Variants in KCNN2 observed in about 807,000 individuals in gnomAD.
KCNN2 encodes potassium calcium-activated channel subfamily N member 2, also known as small conductance calcium-activated potassium channel protein 2.
In KCNN2, 24 loss-of-function variants were observed where a neutral mutation model predicts 55.5. The ratio of observed to expected loss-of-function variants is 0.43; its 90% CI spans 0.31 to 0.61. KCNN2 has a LOEUF of 0.61. Among genes scored for constraint, KCNN2 ranks in the 20% least tolerant of loss-of-function variants. The pLI is 0.08. For missense variants in KCNN2, 754 were observed against 853.6 expected (o/e 0.88, Z 1.45); for synonymous variants, 431 against 336.1 (o/e 1.28, Z -3.09).
upstream of KCNN2, among the ~76,000 whole-genome samples, chr5:114,358,844 C>T (rs1407283582): frequency 4.6e-5 from 7 of 152,170 alleles, no homozygotes; most frequent in African/African-American, 1.7e-4. Context: ...ATGTTATGCA[C>T]ATTTTAAATG....
chr5:114,173,799 C>A (rs1342804553), intron 1 of KCNN2, among the ~76,000 whole-genome samples: 1 of 151,278 alleles, frequency 6.6e-6, no homozygotes, highest in Non-Finnish European at 1.5e-5. Flanking sequence ...TTTTATTTTT[C>A]ATCAATCATC....
At chr5:114,126,669 A>G (rs998204819) in intron 1 of KCNN2, among the ~76,000 whole-genome samples, 1 of 152,050 alleles carries the variant, frequency 6.6e-6, no homozygotes, top group African/African-American at 2.4e-5. Context: ...ACATTTCAAA[A>G]CCAATTATGC....
rs1367762180 is a variant in KCNN2 at position 114,362,778 on chromosome 5, G to A, written c.639G>A (p.Met213Ile). 1.3e-6 allele frequency: 2 copies of A among 1,587,030 alleles called. No homozygotes were observed. Among genetic ancestry groups the A allele is most frequent in the Admixed American group, 1.7e-5 (1 of 58,610 alleles). ...RESNPFTEIA[M>I]SSCRYNGGVM... is the part of the protein sequence containing the mutation. ...GCAACCCCTTCACCGAAATAGCCAT[G>A]AGCAGCTGCAGGTACAACGGGGGCG... Residue 213 changes from methionine (M) to isoleucine (I), a missense_variant, in exon 1 of 8, where the codon ATG becomes ATA. Coordinates refer to ENST00000673685, the MANE Select transcript of KCNN2 (RefSeq NM_021614.4).
intron 1 of KCNN2, among the ~76,000 whole-genome samples, chr5:114,162,712 T>G (rs975645401): frequency 2.0e-5 from 3 of 152,022 alleles, no homozygotes; most frequent in African/African-American, 7.2e-5. Context: ...CAGGCACCCC[T>G]CCCCCAGCCT....
intron 3 of KCNN2, among the ~76,000 whole-genome samples, chr5:114,422,237 T>C (rs1343572749): frequency 6.6e-6 from 1 of 152,212 alleles, no homozygotes; most frequent in African/African-American, 2.4e-5. Context: ...AAAATTCATG[T>C]TGAAACCTAA....
intron 3 of KCNN2, among the ~76,000 whole-genome samples, chr5:114,440,768 TAGAA>T (rs1473718312): frequency 3.6e-4 from 55 of 152,104 alleles, no homozygotes; most frequent in Non-Finnish European, 1.9e-4. Context: ...GTAATAAAAA[TAGAA>T]TGTATAACAT....
Position 114,289,369 on chromosome 5 carries a change from C to CTT in KCNN2, c.-185+67821_-185+67822dup, listed in dbSNP as rs80026839. Reference sequence around the variant, plus strand: ...AGTTCCATATGAATTTTAGAATCAACTTTTTTTTTTTTTTTTTTGAGACAG... The same window carrying CTT: ...AGTTCCATATGAATTTTAGAATCAACTTTTTTTTTTTTTTTTTTTTGAGACAG... On this transcript the variant is annotated intron_variant, in intron 2 of 10. Transcript: ENST00000512097. Among the ~76,000 whole-genome samples the CTT allele has an allele frequency of 1.7e-3, 230 of 132,094 alleles. 4 individuals are homozygous for CTT. Among genetic ancestry groups the CTT allele is most frequent in the East Asian group, 9.3e-3 (42 of 4,530 alleles). 86.7% of individuals were successfully genotyped at this position (132,094 alleles called of 152,430 possible).
In KCNN2 at chr5:114,241,705, G is replaced by GATAT. The variant is rs10624495; in HGVS notation, c.-185+20152_-185+20155dup. ...TAAAATTTACGAGAATATATATGTG[G>GATAT]ATATATATATATATACGTATATATA... On this transcript the variant is annotated intron_variant, in intron 2 of 10. Transcript: ENST00000512097. Among the ~76,000 whole-genome samples, 76 of 48,762 alleles carry GATAT rather than the reference G, an allele frequency of 1.6e-3. 8 individuals are homozygous for GATAT. The highest frequency in any genetic ancestry group is 3.8e-3 in the East Asian group (8 of 2,108). 32.0% of individuals were successfully genotyped at this position (48,762 alleles called of 152,430 possible).
intron 1 of KCNN2, among the ~76,000 whole-genome samples, chr5:114,082,207 C>A (rs1750841422): frequency 6.6e-6 from 1 of 151,852 alleles, no homozygotes; most frequent in Admixed American, 6.6e-5. Flanking sequence ...TACCTGTAGT[C>A]CTAGCTACTC....
At chr5:114,289,277 C>T (rs1049005785) in intron 2 of KCNN2, among the ~76,000 whole-genome samples, 1 of 151,992 alleles carries the variant, frequency 6.6e-6, no homozygotes, top group African/African-American at 2.4e-5. Context: ...AAGTACAGGT[C>T]CTCCAATTTT....
intron 1 of KCNN2, among the ~76,000 whole-genome samples, chr5:114,173,438 T>TG (rs1753078207): frequency 3.2e-4 from 45 of 142,198 alleles, no homozygotes; most frequent in Admixed American, 7.1e-4. Flanking sequence ...TTTGTTTTGT[T>TG]TGTGTGTGTG....
In KCNN2 at chr5:114,362,872, C is replaced by G; in HGVS notation, c.733C>G (p.Pro245Ala). Residue 245 changes from proline to alanine, a missense_variant, in exon 1 of 8, where the codon CCC becomes GCC. Physicochemically the swap from Pro to Ala is conservative, Grantham distance 27 (BLOSUM62 -1). Transcript: ENST00000673685. ...NLHEMDSEAQ[P>A]LQPPASVGGG... ...GCACGAGATGGACTCAGAGGCGCAGCCCCTGCAGCCCCCCGCGTCTGTCGG... is the reference window on the plus strand; with the variant it reads ...GCACGAGATGGACTCAGAGGCGCAGGCCCTGCAGCCCCCCGCGTCTGTCGG... 6.3e-7 allele frequency: 1 copy of G among 1,598,758 alleles called. No individual in the cohort carries two copies. The highest frequency in any genetic ancestry group is 8.5e-7 in the Non-Finnish European group (1 of 1,178,622).
At chr5:114,213,180 T>G (rs1056770405) in intron 1 of KCNN2, among the ~76,000 whole-genome samples, 1 of 152,064 alleles carries the variant, frequency 6.6e-6, no homozygotes, top group East Asian at 1.9e-4. Context: ...GCTGTTCCAG[T>G]GGTTCTTTCC....
At chr5:114,458,135 G>C (rs1444329311) in intron 3 of KCNN2, among the ~76,000 whole-genome samples, 1 of 152,124 alleles carries the variant, frequency 6.6e-6, no homozygotes, top group East Asian at 1.9e-4. Flanking sequence ...TCAGGAGAGA[G>C]GTGGATTCCA....
At chr5:114,145,712 C>T (rs542801486) in intron 1 of KCNN2, among the ~76,000 whole-genome samples, 1 of 152,086 alleles carries the variant, frequency 6.6e-6, no homozygotes, top group Non-Finnish European at 1.5e-5. Flanking sequence ...GAGCGTCCAT[C>T]CATATCATGG....
At position 114,234,624 on chromosome 5, in the gene KCNN2, C is replaced by T. The variant is rs141276956; in HGVS notation, c.-185+13059C>T. 6.5e-4 allele frequency among the ~76,000 whole-genome samples: 99 copies of T among 152,244 alleles called. 2 individuals are homozygous for T. The South Asian group carries it at 9.9e-3, about 15-fold the overall frequency. On this transcript the variant is annotated intron_variant, in intron 2 of 10. Coordinates refer to the KCNN2 transcript ENST00000512097. Reference sequence around the variant, plus strand: ...ATTGTTCCAAAAATACACTGTGCTGCTTCCTTCACGGTTGTTGAGAATCTG... The same window carrying T: ...ATTGTTCCAAAAATACACTGTGCTGTTTCCTTCACGGTTGTTGAGAATCTG...
Position 114,075,603 on chromosome 5 carries a change from C to G in KCNN2, c.-271+19103C>G, listed in dbSNP as rs76808944. On this transcript the variant is annotated intron_variant, in intron 1 of 10. Transcript: ENST00000512097. ...ATATAGTACATTGTAAAGTTGGCCA[C>G]AAATCCTTCCCACCCTTCCATTTGT... Among the ~76,000 whole-genome samples, 3 of 152,332 alleles carry G rather than the reference C, an allele frequency of 2.0e-5. No homozygotes were observed. The East Asian group carries it at 5.8e-4, about 29-fold the overall frequency.
intron 2 of KCNN2, among the ~76,000 whole-genome samples, chr5:114,291,487 A>T (rs943512526): frequency 2.3e-4 from 35 of 152,010 alleles, no homozygotes; most frequent in Non-Finnish European, 1.6e-4. Context: ...ATGGTTTCCA[A>T]TTTCATCCAT....
intron 3 of KCNN2, among the ~76,000 whole-genome samples, chr5:114,422,413 A>G (rs960747844): frequency 2.0e-5 from 3 of 152,124 alleles, no homozygotes; most frequent in African/African-American, 4.8e-5. Context: ...TCTGTGAACC[A>G]TGAAATGGGC....
Sources: allele counts gnomAD v4.1 joint callset (sites outside exome capture counted in the v4.1 genomes callset), GRCh38; gene constraint gnomAD v4.1.1; transcripts MANE v1.5; gene names NCBI Gene and HGNC (gene_info 2026-07-23, HGNC 2026-07-21).